Variants in SATB2 observed in about 807,000 individuals in gnomAD.
The protein encoded by SATB2 is SATB homeobox 2.
SATB2 carries 1 observed loss-of-function variant against 73.4 expected under a neutral mutation model. The observed-to-expected ratio is 0.01, with a 90% CI of 0.00 to 0.06. SATB2 has a LOEUF of 0.06. Ranked by LOEUF, SATB2 falls within the 10% of genes least tolerant of loss-of-function variation. The pLI, the probability that SATB2 is intolerant of heterozygous loss-of-function variation, is 1.00. For synonymous variants in SATB2, 397 were observed against 367.0 expected, an observed-to-expected ratio of 1.08 and a Z score of -0.93; for missense variants, 459 against 945.8, an observed-to-expected ratio of 0.49 and a Z score of 6.75.
At chr2:199,333,733 A>C (rs1688257898) in intron 7 of SATB2, among the ~76,000 whole-genome samples, 1 of 152,182 alleles carries the variant, frequency 6.6e-6, no homozygotes, top group African/African-American at 2.4e-5. Context: ...GATATTAGAT[A>C]ATCTGTTCAG....
chr2:199,360,063 G>A (rs1289834773), intron 6 of SATB2, among the ~76,000 whole-genome samples: 2 of 152,170 alleles, frequency 1.3e-5, no homozygotes, highest in Non-Finnish European at 1.5e-5. Context: ...CACCTTATGA[G>A]CTTAAGTGCT....
At chr2:199,386,246 C>T (rs909967929) in intron 3 of SATB2, among the ~76,000 whole-genome samples, 1 of 152,136 alleles carries the variant, frequency 6.6e-6, no homozygotes, top group Admixed American at 6.5e-5. Flanking sequence ...CTCGAATGAG[C>T]ATTTCCTTTG....
chr2:199,387,822 G>A (rs1690008049), intron 3 of SATB2, among the ~76,000 whole-genome samples: 1 of 152,100 alleles, frequency 6.6e-6, no homozygotes, highest in South Asian at 2.1e-4. Flanking sequence ...AATTAGATTG[G>A]GAATGGAGGC....
rs1687490552 is a variant in SATB2, at chr2:199,308,226, C to T, written c.1740+534G>A. On this transcript the variant is annotated intron_variant, in intron 10 of 10. Coordinates refer to ENST00000417098, the MANE Select transcript of SATB2 (RefSeq NM_001172509.2). This position sits in a 1 kb window ranked among gnomAD's most constrained non-coding sequence, Gnocchi z 4.6. ...AGGCAGATTTCTAAATGAGATGTAA[C>T]CAAAGACAGCAAAAACTCATCTTAA... 6.6e-6 allele frequency among the ~76,000 whole-genome samples: 1 copy of T among 152,110 alleles called. No homozygotes were observed. The highest frequency in any genetic ancestry group is 2.4e-5 in the African/African-American group (1 of 41,416).
At chr2:199,427,446 A>C (rs1166457618) in intron 3 of SATB2, among the ~76,000 whole-genome samples, 1 of 152,192 alleles carries the variant, frequency 6.6e-6, no homozygotes, top group African/African-American at 2.4e-5. Flanking sequence ...GAAAATTTGA[A>C]TCTTTACTGA....
intron 9 of SATB2, among the ~76,000 whole-genome samples, chr2:199,310,289 G>A (rs143083154): frequency 9.8e-5 from 15 of 152,292 alleles, no homozygotes; most frequent in South Asian, 4.1e-4. Flanking sequence ...CCACATTTGC[G>A]CAGACCTGAT....
At chr2:199,297,196 G>A (rs893960232) in intron 10 of SATB2, among the ~76,000 whole-genome samples, 2 of 152,160 alleles carry the variant, frequency 1.3e-5, no homozygotes, top group Non-Finnish European at 2.9e-5. Context: ...GACTTGTTAC[G>A]TATTTGTTGT....
intron 6 of SATB2, among the ~76,000 whole-genome samples, chr2:199,355,348 C>CTATATATATATATATATATCTATA (rs1688947954): frequency 3.7e-5 from 5 of 134,186 alleles, no homozygotes; most frequent in African/African-American, 1.5e-4. Context: ...GTGTGTGTAT[C>CTATATATATATATATATATCTATA]TATATATATA....
At chr2:199,328,940 A>G (rs537281943) in intron 7 of SATB2, 30 bp from the exon 8 acceptor site, 1 of 1,561,122 alleles carries the variant, frequency 6.4e-7, no homozygotes, top group Admixed American at 1.7e-5. Context: ...AAACAGACCA[A>G]GTCACATTTG....
At chr2:199,440,737 G>T (rs16831510) in intron 2 of SATB2, among the ~76,000 whole-genome samples, 21,018 of 152,038 alleles carry the variant, frequency 0.14, 1,781 homozygotes, top group East Asian at 0.45. Flanking sequence ...AACTCTTATC[G>T]TAGAGGAAGC....
At chr2:199,318,439 T>C (rs1687795173) in intron 9 of SATB2, among the ~76,000 whole-genome samples, 1 of 152,118 alleles carries the variant, frequency 6.6e-6, no homozygotes, top group Non-Finnish European at 1.5e-5. Flanking sequence ...TTTACTCTCC[T>C]ACATAAAAAA....
intron 2 of SATB2, among the ~76,000 whole-genome samples, chr2:199,439,785 A>T (rs1691756697): frequency 2.0e-5 from 3 of 152,078 alleles, no homozygotes; most frequent in Admixed American, 2.0e-4. Flanking sequence ...TGCCAACATT[A>T]ACCACTAGCC....
At chr2:199,332,841 C>A (rs980888100) in intron 7 of SATB2, among the ~76,000 whole-genome samples, 1 of 152,034 alleles carries the variant, frequency 6.6e-6, no homozygotes, top group Non-Finnish European at 1.5e-5. Context: ...CAAGTTTTTG[C>A]ACTAGCTTTT....
chr2:199,282,414 A>C (rs1692553139), intron 10 of SATB2, among the ~76,000 whole-genome samples: 1 of 152,160 alleles, frequency 6.6e-6, no homozygotes, highest in African/African-American at 2.4e-5. Context: ...CATTGTATAC[A>C]CGTGGTAAGG....
chr2:199,321,066 C>T (rs2105785250), intron 9 of SATB2, among the ~76,000 whole-genome samples: 1 of 73,254 alleles, frequency 1.4e-5, no homozygotes. Flanking sequence ...ACTTAAGATC[C>T]CTCCAAAGAA....
intron 3 of SATB2, 120 bp from the exon 4 acceptor site, chr2:199,381,940 T>A: frequency 9.0e-7 from 1 of 1,109,328 alleles, no homozygotes; most frequent in Non-Finnish European, 1.3e-6. Flanking sequence ...TCAGATATTT[T>A]ACAACCCAGT....
At chr2:199,284,335 TAAAAGA>T (rs1692621323) in intron 10 of SATB2, among the ~76,000 whole-genome samples, 1 of 152,160 alleles carries the variant, frequency 6.6e-6, no homozygotes. Context: ...TATGAATAGG[TAAAAGA>T]AAAAGTATGA....
chr2:199,375,325 C>A (rs1291310650), intron 5 of SATB2, among the ~76,000 whole-genome samples: 1 of 152,186 alleles, frequency 6.6e-6, no homozygotes, highest in Non-Finnish European at 1.5e-5. Flanking sequence ...CTCACAGAGA[C>A]ATCAGAGGAA....
At chr2:199,412,005 G>C (rs145814851) in intron 3 of SATB2, among the ~76,000 whole-genome samples, 153 of 152,204 alleles carry the variant, frequency 1.0e-3, no homozygotes, top group African/African-American at 3.5e-3. Flanking sequence ...AAAAAATATG[G>C]GGCATCTGAC....
Sources: allele counts gnomAD v4.1 joint callset (sites outside exome capture counted in the v4.1 genomes callset), GRCh38; gene constraint gnomAD v4.1.1; non-coding constraint Gnocchi (gnomAD v3.1); transcripts MANE v1.5; gene names NCBI Gene and HGNC (gene_info 2026-07-23, HGNC 2026-07-21).